SFMBT2: variants seen among roughly 807,000 people sequenced by gnomAD.
SFMBT2 encodes Scm like with four mbt domains 2.
SFMBT2 carries 38 observed loss-of-function variants against 110.1 expected under a neutral mutation model. The ratio of observed to expected loss-of-function variants is 0.35; its 90% CI spans 0.27 to 0.45. The LOEUF (loss-of-function observed/expected upper bound fraction) is 0.45, where lower values mean the gene tolerates loss of function less well. SFMBT2 is among the 20% of genes least tolerant of loss of function. The probability of loss-of-function intolerance (pLI) is 1.00; values close to 1 mark genes in which losing one functional copy is unlikely to be tolerated. For synonymous variants in SFMBT2, 425 were observed against 425.4 expected, an observed-to-expected ratio of 1.00 and a Z score of 0.01; for missense variants, 1,011 against 1,094.9, an observed-to-expected ratio of 0.92 and a Z score of 1.08.
chr10:7,322,717 G>C (rs1843234735), intron 4 of SFMBT2, among the ~76,000 whole-genome samples: 1 of 152,062 alleles, frequency 6.6e-6, no homozygotes, highest in African/African-American at 2.4e-5. Context: ...ATGGACAAAG[G>C]AAACCCTCAT....
intron 13 of SFMBT2, among the ~76,000 whole-genome samples, chr10:7,201,472 G>A (rs1230730598): frequency 5.3e-5 from 8 of 152,246 alleles, no homozygotes; most frequent in South Asian, 2.1e-4. Context: ...CCCATCAGGC[G>A]GATAACGTGG....
intron 2 of SFMBT2, among the ~76,000 whole-genome samples, chr10:7,371,635 G>A (rs1286896383): frequency 6.6e-6 from 1 of 152,132 alleles, no homozygotes; most frequent in Non-Finnish European, 1.5e-5. Flanking sequence ...GAACCAATTG[G>A]CAAGGCCATG....
chr10:7,405,948 T>C (rs1157477748), intron 1 of SFMBT2, among the ~76,000 whole-genome samples: 2 of 138,288 alleles, frequency 1.4e-5, no homozygotes, highest in African/African-American at 2.6e-5. Context: ...ATTTCCCAAC[T>C]TTTTTTTTTT....
At chr10:7,409,623 A>T (rs569658296) in intron 1 of SFMBT2, among the ~76,000 whole-genome samples, 1 of 151,806 alleles carries the variant, frequency 6.6e-6, no homozygotes, top group Admixed American at 6.5e-5. Flanking sequence ...AATGGACTTG[A>T]CACACAGACT....
At chr10:7,370,853 G>A (rs1427736043) in intron 2 of SFMBT2, 1 of 968,082 alleles carries the variant, frequency 1.0e-6, no homozygotes, top group African/African-American at 1.8e-5. Context: ...GGGAAAAAGA[G>A]AAAATGAGGC....
At chr10:7,329,464 ATG>A in intron 4 of SFMBT2, 1 of 985,432 alleles carries the variant, frequency 1.0e-6, no homozygotes, top group African/African-American at 1.7e-5. Flanking sequence ...AACTGAGGAA[ATG>A]TGTGTGGTGA....
chr10:7,405,591 T>C (rs2249071), intron 1 of SFMBT2, among the ~76,000 whole-genome samples: 30,388 of 152,188 alleles, frequency 0.2, 5,133 homozygotes, highest in African/African-American at 0.46. Flanking sequence ...AGGTTTTCAT[T>C]ATCCTTTAGG....
chr10:7,323,480 A>AAC (rs1843267238), intron 4 of SFMBT2, among the ~76,000 whole-genome samples: 2 of 151,280 alleles, frequency 1.3e-5, no homozygotes, highest in African/African-American at 4.9e-5. Context: ...CAAAAAAAAA[A>AAC]AAAATGAGGA....
chr10:7,352,975 A>G (rs1844373234), intron 4 of SFMBT2, among the ~76,000 whole-genome samples: 1 of 151,886 alleles, frequency 6.6e-6, no homozygotes. Flanking sequence ...GTGCCACTAC[A>G]CTCCAGCCTG....
intron 9 of SFMBT2, among the ~76,000 whole-genome samples, chr10:7,234,799 A>C (rs1840209498): frequency 6.6e-6 from 1 of 151,928 alleles, no homozygotes; most frequent in Admixed American, 6.6e-5. Flanking sequence ...TAAAAAATAA[A>C]AAACCAAAAC....
At chr10:7,407,156 C>T (rs1846239800) in intron 1 of SFMBT2, among the ~76,000 whole-genome samples, 2 of 152,052 alleles carry the variant, frequency 1.3e-5, no homozygotes, top group Non-Finnish European at 2.9e-5. Context: ...AGGAGACCTC[C>T]TATCTCCAGG....
intron 10 of SFMBT2, 50 bp from the exon 11 acceptor site, chr10:7,220,587 A>G: frequency 6.2e-7 from 1 of 1,605,848 alleles, no homozygotes; most frequent in Non-Finnish European, 8.5e-7. Context: ...GCAGCAGGAC[A>G]AAGCTGGGCA....
intron 17 of SFMBT2, among the ~76,000 whole-genome samples, chr10:7,174,959 G>A (rs1838005547): frequency 6.6e-6 from 1 of 152,172 alleles, no homozygotes; most frequent in Admixed American, 6.5e-5. Flanking sequence ...GTGTGTGTGT[G>A]TTGTGTGTGT....
chr10:7,166,953 C>T (rs1837712632), intron 20 of SFMBT2, among the ~76,000 whole-genome samples: 1 of 152,206 alleles, frequency 6.6e-6, no homozygotes, highest in African/African-American at 2.4e-5. Flanking sequence ...TCCTATAGAA[C>T]TGAGAGCTGC....
chr10:7,229,395 A>G (rs1291803473), intron 9 of SFMBT2, among the ~76,000 whole-genome samples: 1 of 152,042 alleles, frequency 6.6e-6, no homozygotes, highest in Non-Finnish European at 1.5e-5. Flanking sequence ...CCTGGCCAAG[A>G]TGGTGAAACC....
rs536301568 is a variant in SFMBT2, at chr10:7,215,967, G to A, written c.1330+4444C>T. 9 of 152,742 alleles carry A rather than the reference G, an allele frequency of 5.9e-5. No individual in the cohort carries two copies. In the South Asian group the frequency reaches 1.9e-3, roughly 32 times the overall value. 9.5% of individuals were successfully genotyped at this position (152,742 alleles called of 1,614,324 possible). On this transcript the variant is annotated intron_variant, in intron 11 of 20. Transcript: ENST00000397167. ...CACAGAGTCCCTCTCTGGCTCCTGA[G>A]AATTTCCTCTTCATTCTCTCTCGGA...
intron 4 of SFMBT2, among the ~76,000 whole-genome samples, chr10:7,286,181 A>G (rs2131846348): frequency 6.6e-6 from 1 of 152,362 alleles, no homozygotes; most frequent in South Asian, 2.1e-4. Context: ...GGCACCAAGG[A>G]GATGAAAGAA....
rs1837567127 is a variant in SFMBT2 at position 7,162,182 on chromosome 10, T to A, written c.*1588A>T. 1 of 151,804 alleles carries A rather than the reference T, an allele frequency of 6.6e-6. No homozygotes were observed. Among genetic ancestry groups the A allele is most frequent in the South Asian group, 2.1e-4 (1 of 4,826 alleles). 9.4% of individuals were successfully genotyped at this position (151,804 alleles called of 1,614,324 possible). A position where few individuals can be genotyped will look rare whatever the true frequency, so the allele number is the denominator to read the frequency against. ...CGTGACCTGGCGGATTTAACACAAC[T>A]GCCCAGGAAATTCCACAAGCAAACT... On this transcript the variant is annotated 3_prime_UTR_variant, in exon 21 of 21. Transcript: ENST00000397167.
chr10:7,260,732 CA>C (rs1841167009), intron 7 of SFMBT2, among the ~76,000 whole-genome samples: 1 of 152,000 alleles, frequency 6.6e-6, no homozygotes, highest in African/African-American at 2.4e-5. Flanking sequence ...TGGCAAGGGG[CA>C]GGGGCAGTTG....
Sources: allele counts gnomAD v4.1 joint callset (sites outside exome capture counted in the v4.1 genomes callset), GRCh38; gene constraint gnomAD v4.1.1; transcripts MANE v1.5; gene names NCBI Gene and HGNC (gene_info 2026-07-23, HGNC 2026-07-21).